The following EPB41L2 variants were observed in gnomAD, a reference collection of about 807,000 sequenced individuals.
EPB41L2 encodes erythrocyte membrane protein band 4.1 like 2.
In EPB41L2, 43 loss-of-function variants were observed where a neutral mutation model predicts 113.0. The observed-to-expected ratio is 0.38, with a 90% CI of 0.30 to 0.49. The LOEUF (loss-of-function observed/expected upper bound fraction) is 0.49, where lower values mean the gene tolerates loss of function less well. Ranked by LOEUF, EPB41L2 falls within the 20% of genes least tolerant of loss-of-function variation. EPB41L2 has a pLI of 0.95. For synonymous variants in EPB41L2, 442 were observed against 436.7 expected (o/e 1.01, Z -0.15); for missense variants, 1,147 against 1,223.4 (o/e 0.94, Z 0.93).
intron 19 of EPB41L2, among the ~76,000 whole-genome samples, chr6:130,854,066 C>G (rs547289650): frequency 4.6e-5 from 7 of 152,248 alleles, no homozygotes; most frequent in Non-Finnish European, 1.0e-4. Flanking sequence ...ATTTTAAACT[C>G]AAACTTCGTT....
At chr6:130,942,699 C>T (rs9483195) in intron 3 of EPB41L2, among the ~76,000 whole-genome samples, 18,851 of 152,086 alleles carry the variant, frequency 0.12, 1,488 homozygotes, top group African/African-American at 0.2. Flanking sequence ...GTTTGCTGCA[C>T]CCATTAACCT....
intron 1 of EPB41L2, among the ~76,000 whole-genome samples, chr6:131,061,789 T>C (rs1292139341): frequency 1.3e-5 from 2 of 151,022 alleles, no homozygotes; most frequent in African/African-American, 2.4e-5. Context: ...ACCAGATAAA[T>C]AATGTATTCC....
chr6:130,856,332 C>T (rs1780202653), intron 19 of EPB41L2, among the ~76,000 whole-genome samples: 1 of 152,038 alleles, frequency 6.6e-6, no homozygotes, highest in Non-Finnish European at 1.5e-5. Flanking sequence ...GACAAAGGAT[C>T]AGTATGTAGA....
intron 19 of EPB41L2, among the ~76,000 whole-genome samples, chr6:130,852,058 CATT>C (rs1562293387): frequency 6.6e-6 from 1 of 152,182 alleles, no homozygotes; most frequent in Non-Finnish European, 1.5e-5. Context: ...ATCTCAAACT[CATT>C]ATCTCTGGGG....
At chr6:131,031,913 G>C (rs1792234427) in intron 1 of EPB41L2, among the ~76,000 whole-genome samples, 1 of 152,152 alleles carries the variant, frequency 6.6e-6, no homozygotes, top group African/African-American at 2.4e-5. Flanking sequence ...CTTTCTTGAA[G>C]AGAGCATAGC....
At position 130,872,619 on chromosome 6, in the gene EPB41L2, G is replaced by C; in HGVS notation, c.2044-2493C>G. ...CAGTGACCTATTGGAAGAAAGGAAA[G>C]GTTACACAAGAAAGAACAACAGAAC... On this transcript the variant is annotated intron_variant, in intron 14 of 19. Coordinates refer to ENST00000337057, the MANE Select transcript of EPB41L2 (RefSeq NM_001431.4). The C allele has an allele frequency of 3.1e-6, 3 of 963,232 alleles. No individual in the cohort carries two copies. The South Asian group carries it at 5.1e-5, about 16-fold the overall frequency. The allele number at this position is 963,232 out of a possible 1,614,324, so 59.7% of individuals were successfully genotyped here. A position where few individuals can be genotyped will look rare whatever the true frequency, so the allele number is the denominator to read the frequency against.
chr6:130,867,425 G>A lies in EPB41L2; in HGVS notation c.2730+34C>T. 3 of 1,605,710 alleles carry A rather than the reference G, an allele frequency of 1.9e-6. No homozygotes were observed. The South Asian group carries it at 3.3e-5, about 18-fold the overall frequency. ...AACATAGATACACTAAGGGAAAAAA[G>A]AGCTCGAACAGTCCAAGTCTAGAGC... On this transcript the variant is annotated intron_variant, in intron 16 of 19. Coordinates refer to ENST00000337057, the MANE Select transcript of EPB41L2 (RefSeq NM_001431.4).
intron 1 of EPB41L2, among the ~76,000 whole-genome samples, chr6:131,001,075 G>A (rs1784259191): frequency 1.3e-5 from 2 of 151,750 alleles, no homozygotes; most frequent in Non-Finnish European, 2.9e-5. Flanking sequence ...TTTCTGCCAA[G>A]TATATTCCAA....
intron 17 of EPB41L2, among the ~76,000 whole-genome samples, chr6:130,864,200 T>C (rs1782998380): frequency 6.6e-6 from 1 of 152,196 alleles, no homozygotes; most frequent in African/African-American, 2.4e-5. Context: ...CTGTTTGATG[T>C]GATATATATT....
chr6:130,894,511 C>A, intron 9 of EPB41L2, 70 bp from the exon 10 acceptor site: 1 of 1,343,696 alleles, frequency 7.4e-7, no homozygotes, highest in South Asian at 1.2e-5. Context: ...GAAAAGCATG[C>A]ATTCAGATGT....
rs60732147 is a variant in EPB41L2, at chr6:130,849,470, G to A, written c.*5+8661C>T. Among the ~76,000 whole-genome samples, 3,457 of 152,198 alleles carry A rather than the reference G, an allele frequency of 0.023. 221 individuals are homozygous for A. In the East Asian group the frequency reaches 0.26, roughly 12 times the overall value. ...ACTAAGAGGTTAATAACTTTAATCT[G>A]AAAAGATTAGTTACTCATCTTTTCA... On this transcript the variant is annotated intron_variant, in intron 19 of 19. Coordinates refer to ENST00000337057, the MANE Select transcript of EPB41L2 (RefSeq NM_001431.4).
chr6:131,045,641 A>G (rs1795304677), intron 1 of EPB41L2, among the ~76,000 whole-genome samples: 1 of 152,196 alleles, frequency 6.6e-6, no homozygotes, highest in African/African-American at 2.4e-5. Flanking sequence ...AAGACTTTCA[A>G]TGACATCCCA....
intron 3 of EPB41L2, among the ~76,000 whole-genome samples, chr6:130,929,135 G>A (rs539607298): frequency 6.6e-6 from 1 of 152,256 alleles, no homozygotes; most frequent in African/African-American, 2.4e-5. Flanking sequence ...AAATCTGGAA[G>A]GAAAAGCAAA....
In EPB41L2 at chr6:130,992,635, T is replaced by TC. The variant is rs1278242488; in HGVS notation, c.-14-36137dup. ...TACTGCTGAAATTACCAATTCAAAT[T>TC]CTTTTTTTTTTTTTGAGACAGAGCC... On this transcript the variant is annotated intron_variant, in intron 1 of 19. Transcript: ENST00000337057. Among the ~76,000 whole-genome samples the TC allele has an allele frequency of 3.6e-5, 5 of 140,192 alleles. No individual in the cohort carries two copies. In the East Asian group the frequency reaches 9.9e-4, roughly 28 times the overall value. The allele number at this position is 140,192 out of a possible 152,430, so 92.0% of individuals were successfully genotyped here. A position where few individuals can be genotyped will look rare whatever the true frequency, so the allele number is the denominator to read the frequency against.
intron 10 of EPB41L2, among the ~76,000 whole-genome samples, chr6:130,891,016 A>T (rs1433101025): frequency 6.6e-6 from 1 of 152,228 alleles, no homozygotes; most frequent in Non-Finnish European, 1.5e-5. Flanking sequence ...GAATGAAATC[A>T]AACTTTCTTG....
intron 19 of EPB41L2, among the ~76,000 whole-genome samples, chr6:130,845,189 G>A (rs4075264): frequency 0.3 from 46,282 of 152,158 alleles, 8,100 homozygotes; most frequent in East Asian, 0.45. Flanking sequence ...TGCAGCCCCT[G>A]AGGACTGCTG....
At chr6:130,889,230 A>C (rs12333037) in intron 11 of EPB41L2, among the ~76,000 whole-genome samples, 6,436 of 151,914 alleles carry the variant, frequency 0.042, 457 homozygotes, top group African/African-American at 0.14. Flanking sequence ...CTTTGGGTAG[A>C]AAATCATCCA....
chr6:130,985,601 T>C (rs912347552), intron 1 of EPB41L2, among the ~76,000 whole-genome samples: 3 of 152,144 alleles, frequency 2.0e-5, no homozygotes, highest in African/African-American at 7.2e-5. Context: ...GCTTGCAAAG[T>C]GACCAGGAAA....
chr6:131,021,787 T>C (rs1789563036), intron 1 of EPB41L2, among the ~76,000 whole-genome samples: 1 of 152,148 alleles, frequency 6.6e-6, no homozygotes, highest in Non-Finnish European at 1.5e-5. Context: ...CTATTCTTAC[T>C]CCCATTTTAT....
Sources: gnomAD v4.1 joint callset for allele counts (sites outside exome capture counted in the v4.1 genomes callset) on GRCh38, gnomAD v4.1.1 for gene constraint, MANE v1.5 for transcripts, NCBI Gene and HGNC (gene_info 2026-07-23, HGNC 2026-07-21) for gene names.